SVOPL: variants seen among roughly 807,000 people sequenced by gnomAD.
SVOPL encodes SVOP like.
Under a neutral mutation model 61.0 loss-of-function variants are expected in SVOPL, and 60 were observed. The ratio of observed to expected loss-of-function variants is 0.98; its 90% CI spans 0.80 to 1.22. The LOEUF is 1.22. Among genes scored for constraint, SVOPL ranks in the 50% most tolerant of loss-of-function variants. SVOPL has a pLI of 0.00. For missense variants in SVOPL, 662 were observed against 643.9 expected (o/e 1.03, Z -0.30); for synonymous variants, 279 against 250.0 (o/e 1.12, Z -1.09).
At chr7:138,680,168 C>CTTTT (rs1232394704) in intron 1 of SVOPL, among the ~76,000 whole-genome samples, 1 of 135,280 alleles carries the variant, frequency 7.4e-6, no homozygotes, top group Admixed American at 7.6e-5. Context: ...ATGTCATTGT[C>CTTTT]TTTTTTTTTT....
intron 5 of SVOPL, chr7:138,662,238 A>T: frequency 2.0e-6 from 2 of 985,488 alleles, no homozygotes; most frequent in Non-Finnish European, 2.4e-6. Context: ...GCCATCCAGC[A>T]CTAGTCATTT....
intron 1 of SVOPL, chr7:138,689,352 A>G: frequency 6.3e-7 from 1 of 1,590,612 alleles, no homozygotes; most frequent in Non-Finnish European, 8.5e-7. Context: ...AGCACCTAAG[A>G]TGCGCCGCCG....
At chr7:138,605,521 G>A (rs990396407) in intron 14 of SVOPL, among the ~76,000 whole-genome samples, 2 of 151,732 alleles carry the variant, frequency 1.3e-5, no homozygotes, top group African/African-American at 4.8e-5. Flanking sequence ...AATTAGCTGA[G>A]CGTGGTGGCA....
At chr7:138,660,322 T>C in intron 5 of SVOPL, 1 of 1,050,238 alleles carries the variant, frequency 9.5e-7, no homozygotes, top group South Asian at 3.7e-5. Context: ...TGAGGCAGTA[T>C]GTTGGGAGGA....
intron 1 of SVOPL, among the ~76,000 whole-genome samples, chr7:138,690,104 C>T (rs1339931729): frequency 6.6e-6 from 1 of 152,110 alleles, no homozygotes; most frequent in East Asian, 1.9e-4. Flanking sequence ...TCAGAAAGAA[C>T]CCACCCTGCC....
At chr7:138,610,152 TA>T (rs1798935213) in intron 14 of SVOPL, among the ~76,000 whole-genome samples, 1 of 152,226 alleles carries the variant, frequency 6.6e-6, no homozygotes, top group African/African-American at 2.4e-5. Flanking sequence ...GCTTAATGCC[TA>T]TTTTTTATAT....
intron 1 of SVOPL, among the ~76,000 whole-genome samples, chr7:138,686,554 T>G (rs1802819252): frequency 7.6e-6 from 1 of 130,802 alleles, no homozygotes; most frequent in East Asian, 2.5e-4. Context: ...GAGTTTTTTG[T>G]TTTTTGGGTT....
At chr7:138,622,305 T>C (rs1799703763) in intron 13 of SVOPL, among the ~76,000 whole-genome samples, 2 of 151,650 alleles carry the variant, frequency 1.3e-5, no homozygotes, top group Admixed American at 1.3e-4. Flanking sequence ...TATCTATCTA[T>C]CTATCTATCG....
rs149009334 is a variant in SVOPL, at chr7:138,630,077, G to A, written c.835C>T (p.Arg279Trp). ...FADLLDAKYL[R>W]TTLQIWVIWL... ...ATGACCCAGATCTGTAATGTGGTCC[G>A]TAAATATTTAGCATCCAATAGGTCT... Residue 279 changes from arginine (R) to tryptophan (W), a missense_variant, in exon 10 of 16, where the codon CGG becomes TGG. Physicochemically the swap from Arg to Trp is moderately radical, Grantham distance 101 (BLOSUM62 -3). Transcript: ENST00000674285. The A allele has an allele frequency of 1.6e-4, 263 of 1,613,818 alleles. No homozygotes were observed. The highest frequency in any genetic ancestry group is 4.9e-4 in the Middle Eastern group (3 of 6,062).
intron 1 of SVOPL, among the ~76,000 whole-genome samples, chr7:138,698,147 A>AGGAAAGAATGGAG (rs1221064588): frequency 1.7e-4 from 21 of 121,308 alleles, no homozygotes; most frequent in Non-Finnish European, 3.1e-4. Context: ...AAGAGGAGGA[A>AGGAAAGAATGGAG]GGAAAGAATG....
chr7:138,650,713 T>C (rs112705217), intron 7 of SVOPL, among the ~76,000 whole-genome samples: 21,002 of 74,150 alleles, frequency 0.28, 2,413 homozygotes, highest in African/African-American at 0.4. Flanking sequence ...CTTAGGAGGC[T>C]GAGGTGGAAG....
chr7:138,692,425 T>C (rs778150339), intron 1 of SVOPL, among the ~76,000 whole-genome samples: 3 of 152,054 alleles, frequency 2.0e-5, no homozygotes, highest in Non-Finnish European at 4.4e-5. Context: ...TCCCCAACAT[T>C]GGGCCAAACA....
intron 3 of SVOPL, among the ~76,000 whole-genome samples, chr7:138,674,033 AAT>A (rs1258827936): frequency 6.6e-6 from 1 of 151,892 alleles, no homozygotes; most frequent in Non-Finnish European, 1.5e-5. Flanking sequence ...AAAAATACAA[AAT>A]AAATTAGCTG....
chr7:138,680,886 T>C (rs1802687288), intron 1 of SVOPL, among the ~76,000 whole-genome samples: 1 of 152,080 alleles, frequency 6.6e-6, no homozygotes, highest in Non-Finnish European at 1.5e-5. Flanking sequence ...GCCAGACTTT[T>C]TTTCAGATGA....
At position 138,629,127 on chromosome 7, in the gene SVOPL, ATGTGTG is replaced by A. The variant is rs71520009; in HGVS notation, c.864-770_864-765del. The stretch of plus-strand genomic sequence containing the variant: ...TCTAATATATAAGCATGTTTTATAT[ATGTGTG>A]TGTGTGTGTGTGTGTGTGTGTATAT... On this transcript the variant is annotated intron_variant, in intron 10 of 15. Transcript: ENST00000674285. Among the ~76,000 whole-genome samples the A allele has an allele frequency of 1.7e-4, 11 of 66,094 alleles. 1 individual carries two copies. The highest frequency in any genetic ancestry group is 5.3e-4 in the Admixed American group (3 of 5,644). 43.4% of individuals were successfully genotyped at this position (66,094 alleles called of 152,430 possible). A position where few individuals can be genotyped will look rare whatever the true frequency, so the allele number is the denominator to read the frequency against.
chr7:138,641,658 C>T (rs1217999023), intron 9 of SVOPL, among the ~76,000 whole-genome samples: 2 of 104,888 alleles, frequency 1.9e-5, no homozygotes, highest in Admixed American at 2.9e-4. Flanking sequence ...ATGACAAGAG[C>T]GAAACTCCAT....
At chr7:138,681,353 A>T (rs944314933) in intron 1 of SVOPL, among the ~76,000 whole-genome samples, 7 of 148,856 alleles carry the variant, frequency 4.7e-5, no homozygotes, top group African/African-American at 1.5e-4. Flanking sequence ...ATTAACAAAT[A>T]TTATTATATA....
rs544846738 is a variant in SVOPL, at chr7:138,604,872, C to T, written c.1354-8342G>A. Among the ~76,000 whole-genome samples, 336 of 151,332 alleles carry T rather than the reference C, an allele frequency of 2.2e-3. 1 individual carries two copies. Among genetic ancestry groups the T allele is most frequent in the African/African-American group, 7.0e-3 (290 of 41,294 alleles). On this transcript the variant is annotated intron_variant, in intron 14 of 15. Transcript: ENST00000674285. ...TTGATGCATGAAATATTTTATTTTA[C>T]GAAAAAATAAACCTAGTTAGAAATT...
Position 138,637,473 on chromosome 7 carries a change from TAGATATAG to T in SVOPL, c.789+7236_789+7243del, listed in dbSNP as rs1563108810. On this transcript the variant is annotated intron_variant, in intron 9 of 15. Transcript: ENST00000674285. ...ATAGATAGATATATATATATAGATATAGATATAGATATAGATAGATATATATATATATA... is the reference window on the plus strand; with the variant it reads ...ATAGATAGATATATATATATAGATATATATAGATAGATATATATATATATA... Among the ~76,000 whole-genome samples the T allele has an allele frequency of 4.1e-3, 99 of 24,198 alleles. 1 individual carries two copies. Among genetic ancestry groups the T allele is most frequent in the African/African-American group, 6.9e-3 (66 of 9,618 alleles). 15.9% of individuals were successfully genotyped at this position (24,198 alleles called of 152,430 possible). A position where few individuals can be genotyped will look rare whatever the true frequency, so the allele number is the denominator to read the frequency against.
Sources: gnomAD v4.1 joint callset for allele counts (sites outside exome capture counted in the v4.1 genomes callset) on GRCh38, gnomAD v4.1.1 for gene constraint, MANE v1.5 for transcripts, NCBI Gene and HGNC (gene_info 2026-07-23, HGNC 2026-07-21) for gene names.